Variants in MALRD1 observed in about 807,000 individuals in gnomAD.
The protein encoded by MALRD1 is MAM and LDL receptor class A domain containing 1.
MALRD1 carries 247 observed loss-of-function variants against 242.1 expected under a neutral mutation model. That is an observed-to-expected ratio of 1.02 (90% CI 0.92 to 1.13). The LOEUF is 1.13. Among genes scored for constraint, MALRD1 ranks in the 50% most tolerant of loss-of-function variants. The pLI, the probability that MALRD1 is intolerant of heterozygous loss-of-function variation, is 0.00. For missense variants in MALRD1, 2,989 were observed against 2,533.1 expected, an observed-to-expected ratio of 1.18 and a Z score of -3.86; for synonymous variants, 995 against 866.6, an observed-to-expected ratio of 1.15 and a Z score of -2.60.
intron 26 of MALRD1, among the ~76,000 whole-genome samples, chr10:19,380,709 C>T (rs1257786302): frequency 6.6e-6 from 1 of 152,040 alleles, no homozygotes; most frequent in Non-Finnish European, 1.5e-5. Flanking sequence ...TTAATCATTT[C>T]CTCTCTATCC....
chr10:19,332,704 G>T (rs2130926163), intron 24 of MALRD1, among the ~76,000 whole-genome samples: 1 of 152,224 alleles, frequency 6.6e-6, no homozygotes, highest in East Asian at 1.9e-4. Context: ...AACTTTTAAT[G>T]TTCAAAGCCT....
At chr10:19,500,774 G>A (rs570492070) in intron 31 of MALRD1, among the ~76,000 whole-genome samples, 1 of 152,190 alleles carries the variant, frequency 6.6e-6, no homozygotes, top group East Asian at 1.9e-4. Context: ...AGAAATAATG[G>A]GAAATAAATG....
chr10:19,066,163 T>C (rs2131241425), intron 1 of MALRD1, among the ~76,000 whole-genome samples: 1 of 152,302 alleles, frequency 6.6e-6, no homozygotes, highest in Admixed American at 6.5e-5. Flanking sequence ...TAAATATTAA[T>C]ACTGTGTAAA....
Position 19,103,558 on chromosome 10 carries a change from A to T in MALRD1, c.598-421A>T, listed in dbSNP as rs199633638. ...AAAAGCGAGACTCCGTCTCAAAAAA[A>T]AAAAAAATAAATAAAGATTTAGAGA... On this transcript the variant is annotated intron_variant, in intron 4 of 39. Transcript: ENST00000454679. 2.3e-4 allele frequency among the ~76,000 whole-genome samples: 34 copies of T among 149,144 alleles called. 1 individual carries two copies. The highest frequency in any genetic ancestry group is 8.4e-4 in the African/African-American group (33 of 39,290).
At chr10:19,133,350 C>T (rs1404912057) in intron 8 of MALRD1, among the ~76,000 whole-genome samples, 1 of 152,100 alleles carries the variant, frequency 6.6e-6, no homozygotes, top group African/African-American at 2.4e-5. Flanking sequence ...CAGAATGTAT[C>T]TGTATTGTTT....
chr10:19,409,783 A>C (rs754152473), intron 28 of MALRD1, among the ~76,000 whole-genome samples: 18 of 152,182 alleles, frequency 1.2e-4, no homozygotes, highest in Non-Finnish European at 2.4e-4. Context: ...ATTATGTTAA[A>C]TTTACATTCT....
At chr10:19,135,061 T>C (rs1002180415) in intron 9 of MALRD1, among the ~76,000 whole-genome samples, 1 of 152,220 alleles carries the variant, frequency 6.6e-6, no homozygotes, top group African/African-American at 2.4e-5. Flanking sequence ...ATGATTTAAA[T>C]TTAATATTAT....
chr10:19,547,818 ATTTTTTTTTT>A (rs869038128), intron 32 of MALRD1, among the ~76,000 whole-genome samples: 3 of 16,912 alleles, frequency 1.8e-4, no homozygotes, highest in East Asian at 7.0e-3. Context: ...ATATATATAT[ATTTTTTTTTT>A]TTTTTTTTTT....
chr10:19,599,713 G>A (rs75997079), intron 34 of MALRD1, among the ~76,000 whole-genome samples: 1,962 of 152,224 alleles, frequency 0.013, 26 homozygotes, highest in Non-Finnish European at 0.017. Context: ...TAGTAAGAGT[G>A]GGGGGTTTTA....
chr10:19,300,218 G>A (rs1841883785), intron 21 of MALRD1, among the ~76,000 whole-genome samples: 1 of 151,856 alleles, frequency 6.6e-6, no homozygotes, highest in African/African-American at 2.4e-5. Flanking sequence ...ATAAAACAGA[G>A]ATGACACAAG....
intron 28 of MALRD1, among the ~76,000 whole-genome samples, chr10:19,447,425 C>T (rs556549608): frequency 5.3e-5 from 8 of 152,226 alleles, no homozygotes; most frequent in African/African-American, 1.7e-4. Context: ...ATCCATGATT[C>T]GTTTGCAAAA....
chr10:19,673,799 G>A (rs866602298), intron 36 of MALRD1, among the ~76,000 whole-genome samples: 2 of 151,532 alleles, frequency 1.3e-5, no homozygotes, highest in Non-Finnish European at 2.9e-5. Context: ...CATTCATTTT[G>A]GTCAGGTTTT....
At chr10:19,706,665 GA>G (rs1305200039) in intron 38 of MALRD1, among the ~76,000 whole-genome samples, 3 of 151,724 alleles carry the variant, frequency 2.0e-5, no homozygotes, top group East Asian at 3.9e-4. Context: ...GTTTAAAAAG[GA>G]AAAAAAGGGC....
chr10:19,547,926 G>A (rs1254795544), intron 32 of MALRD1, among the ~76,000 whole-genome samples: 6 of 122,816 alleles, frequency 4.9e-5, no homozygotes, highest in East Asian at 2.4e-4. Flanking sequence ...ACTTGTGCTC[G>A]CTTTGTGTTT....
chr10:19,282,673 G>T (rs567975943), intron 20 of MALRD1, among the ~76,000 whole-genome samples: 1 of 152,208 alleles, frequency 6.6e-6, no homozygotes, highest in Non-Finnish European at 1.5e-5. Flanking sequence ...ACTGAGAAAA[G>T]AACAGACTTG....
chr10:19,382,751 C>T (rs1259035310), intron 26 of MALRD1, among the ~76,000 whole-genome samples: 1 of 152,186 alleles, frequency 6.6e-6, no homozygotes, highest in African/African-American at 2.4e-5. Flanking sequence ...TCAGAAGGCT[C>T]ACTGAGTAGG....
intron 23 of MALRD1, 79 bp from the exon 24 acceptor site, chr10:19,331,290 A>G: frequency 8.9e-7 from 1 of 1,120,562 alleles, no homozygotes; most frequent in Non-Finnish European, 1.3e-6. Flanking sequence ...TTCACGATTG[A>G]TGTGCTTGAT....
chr10:19,322,089 T>A (rs1842934171), intron 21 of MALRD1, among the ~76,000 whole-genome samples: 1 of 152,114 alleles, frequency 6.6e-6, no homozygotes, highest in Non-Finnish European at 1.5e-5. Flanking sequence ...ATTGAAATAA[T>A]TTTCAATGAA....
intron 31 of MALRD1, 90 bp downstream of exon 31, chr10:19,498,736 A>G (rs1589159663): frequency 2.8e-6 from 4 of 1,411,694 alleles, no homozygotes; most frequent in Non-Finnish European, 3.8e-6. Flanking sequence ...TGCATTTCTT[A>G]TGTGTATGTG....
Sources: allele counts gnomAD v4.1 joint callset (sites outside exome capture counted in the v4.1 genomes callset), GRCh38; gene constraint gnomAD v4.1.1; transcripts MANE v1.5; gene names NCBI Gene and HGNC (gene_info 2026-07-23, HGNC 2026-07-21).